The following CSMD1 variants were observed in gnomAD, a reference collection of about 807,000 sequenced individuals.
CSMD1 encodes the protein CUB and Sushi multiple domains 1.
A neutral mutation model predicts 417.5 loss-of-function variants in CSMD1; 213 were observed. The ratio of observed to expected loss-of-function variants is 0.51; its 90% CI spans 0.46 to 0.57. CSMD1 has a LOEUF of 0.57. Among genes scored for constraint, CSMD1 ranks in the 20% least tolerant of loss-of-function variants. The probability of loss-of-function intolerance (pLI) is 0.00; values close to 1 mark genes in which losing one functional copy is unlikely to be tolerated. For synonymous variants in CSMD1, 2,862 were observed against 1,736.8 expected, an observed-to-expected ratio of 1.65 and a Z score of -16.11; for missense variants, 6,923 against 4,529.7, an observed-to-expected ratio of 1.53 and a Z score of -15.17.
chr8:3,982,192 T>TAATGATAA (rs372298485), intron 5 of CSMD1, among the ~76,000 whole-genome samples: 2 of 131,764 alleles, frequency 1.5e-5, no homozygotes, highest in African/African-American at 5.5e-5. Context: ...AATAATAATA[T>TAATGATAA]TAATAAAAAA....
chr8:4,459,233 G>C (rs569427679), intron 2 of CSMD1, among the ~76,000 whole-genome samples: 36 of 152,346 alleles, frequency 2.4e-4, no homozygotes, highest in African/African-American at 8.2e-4. Flanking sequence ...GGAGGTATGG[G>C]AGGCTCAACT....
At chr8:3,508,439 T>A (rs967783758) in intron 10 of CSMD1, among the ~76,000 whole-genome samples, 1 of 151,736 alleles carries the variant, frequency 6.6e-6, no homozygotes, top group African/African-American at 2.4e-5. Flanking sequence ...CACACCAACA[T>A]GGCACATGTA....
At chr8:4,828,054 G>A (rs866491560) in intron 1 of CSMD1, among the ~76,000 whole-genome samples, 2 of 151,912 alleles carry the variant, frequency 1.3e-5, no homozygotes, top group African/African-American at 2.4e-5. Context: ...AGCGTAGTGG[G>A]ATTTTTTTTT....
chr8:3,224,034 C>T (rs950581039), intron 27 of CSMD1, among the ~76,000 whole-genome samples, 167 bp from the exon 28 acceptor site: 2 of 152,128 alleles, frequency 1.3e-5, no homozygotes, highest in East Asian at 3.9e-4. Context: ...AATTGTAAGA[C>T]CCAGGAACTC....
intron 39 of CSMD1, 66 bp from the exon 40 acceptor site, chr8:3,151,579 C>G: frequency 8.2e-6 from 8 of 980,604 alleles, no homozygotes; most frequent in Non-Finnish European, 1.3e-5. Context: ...TTGCTCCAAC[C>G]TGCTTCACTC....
intron 1 of CSMD1, among the ~76,000 whole-genome samples, chr8:4,769,487 T>C (rs1191318297): frequency 6.6e-6 from 1 of 152,196 alleles, no homozygotes; most frequent in Admixed American, 6.5e-5. Context: ...TGTATTAATA[T>C]AACATTTGAA....
At chr8:3,458,799 A>G (rs1261995458) in intron 12 of CSMD1, among the ~76,000 whole-genome samples, 2 of 152,204 alleles carry the variant, frequency 1.3e-5, no homozygotes, top group Non-Finnish European at 2.9e-5. Flanking sequence ...TGTGCTCTGC[A>G]ATGGTCTGGA....
chr8:3,378,291 T>G lies in CSMD1; in HGVS notation c.2783-8921A>C, dbSNP rs1224569689. 3.3e-5 allele frequency among the ~76,000 whole-genome samples: 5 copies of G among 152,250 alleles called. No individual in the cohort carries two copies. In the East Asian group the frequency reaches 9.7e-4, roughly 29 times the overall value. On this transcript the variant is annotated intron_variant, in intron 18 of 69. Transcript: ENST00000635120. ...CAACTAAAAGAAGCCCAGGACCAGGTGGATTCACAGTCGAATTCTCCCAGA... is the reference window on the plus strand; with the variant it reads ...CAACTAAAAGAAGCCCAGGACCAGGGGGATTCACAGTCGAATTCTCCCAGA...
chr8:4,841,325 T>G (rs538105314), intron 1 of CSMD1, among the ~76,000 whole-genome samples: 2 of 152,360 alleles, frequency 1.3e-5, no homozygotes, highest in East Asian at 1.9e-4. Context: ...CATAGACTTA[T>G]GCTGGTTTTG....
chr8:4,035,523 G>A (rs528795010), intron 3 of CSMD1, among the ~76,000 whole-genome samples: 1 of 151,296 alleles, frequency 6.6e-6, no homozygotes, highest in African/African-American at 2.5e-5. Context: ...CTTCTGGTGG[G>A]ACAAGACGTC....
chr8:4,708,986 G>T (rs573354994), intron 1 of CSMD1, among the ~76,000 whole-genome samples: 1 of 152,058 alleles, frequency 6.6e-6, no homozygotes, highest in Non-Finnish European at 1.5e-5. Flanking sequence ...CTCGATCTTG[G>T]GCTTCCAACC....
intron 1 of CSMD1, among the ~76,000 whole-genome samples, chr8:4,700,684 A>T (rs1294621804): frequency 6.6e-6 from 1 of 152,240 alleles, no homozygotes; most frequent in Non-Finnish European, 1.5e-5. Context: ...ACTATATTCT[A>T]CCTGTATATG....
At chr8:3,558,028 C>A (rs1450304612) in intron 10 of CSMD1, among the ~76,000 whole-genome samples, 2 of 151,266 alleles carry the variant, frequency 1.3e-5, no homozygotes, top group African/African-American at 4.9e-5. Context: ...ATGAATGGTG[C>A]CTCAGAAGTA....
chr8:3,712,321 C>G (rs1311669576), intron 6 of CSMD1, among the ~76,000 whole-genome samples: 3 of 151,924 alleles, frequency 2.0e-5, no homozygotes, highest in African/African-American at 4.8e-5. Context: ...CTCGCCTCTT[C>G]CTCCCTCCAA....
At chr8:3,951,592 G>A (rs916641992) in intron 5 of CSMD1, among the ~76,000 whole-genome samples, 1 of 152,004 alleles carries the variant, frequency 6.6e-6, no homozygotes, top group Non-Finnish European at 1.5e-5. Flanking sequence ...AGAAAACAAC[G>A]AGAGAAATAC....
chr8:3,702,774 G>C (rs953781052), intron 7 of CSMD1, among the ~76,000 whole-genome samples: 1 of 152,230 alleles, frequency 6.6e-6, no homozygotes, highest in Non-Finnish European at 1.5e-5. Flanking sequence ...GCAGGTTGCA[G>C]TTAGCTGAGA....
At chr8:3,291,859 C>T (rs945631319) in intron 25 of CSMD1, among the ~76,000 whole-genome samples, 1 of 151,874 alleles carries the variant, frequency 6.6e-6, no homozygotes, top group African/African-American at 2.4e-5. Context: ...TATTTCTTGC[C>T]TTCTGCTAGC....
At position 3,074,795 on chromosome 8, in the gene CSMD1, C is replaced by A. The variant is rs141961722; in HGVS notation, c.7474+12302G>T. Among the ~76,000 whole-genome samples, 1,119 of 151,958 alleles carry A rather than the reference C, an allele frequency of 7.4e-3. 15 individuals are homozygous for A. Among genetic ancestry groups the A allele is most frequent in the African/African-American group, 0.025 (1,048 of 41,420 alleles). On this transcript the variant is annotated intron_variant, in intron 49 of 69. Coordinates refer to ENST00000635120, the MANE Select transcript of CSMD1 (RefSeq NM_033225.6). ...TTTGGATATAAAATAATGTGTATGC[C>A]ATATCATGGAAAGTGTGATATCATT...
At chr8:4,994,079 A>C (rs968827449) in intron 1 of CSMD1, among the ~76,000 whole-genome samples, 1 of 152,124 alleles carries the variant, frequency 6.6e-6, no homozygotes, top group East Asian at 2.0e-4. Flanking sequence ...TACTGCCGAG[A>C]AAAAGAGATC....
Sources: allele counts gnomAD v4.1 joint callset (sites outside exome capture counted in the v4.1 genomes callset), GRCh38; gene constraint gnomAD v4.1.1; transcripts MANE v1.5; gene names NCBI Gene and HGNC (gene_info 2026-07-23, HGNC 2026-07-21).